Variants in GTF2E2 observed in about 807,000 individuals in gnomAD.
GTF2E2 encodes general transcription factor IIE subunit 2.
Under a neutral mutation model 40.5 loss-of-function variants are expected in GTF2E2, and 21 were observed. The ratio of observed to expected loss-of-function variants is 0.52; its 90% confidence interval spans 0.37 to 0.75. GTF2E2 has a LOEUF of 0.75. Ranked by LOEUF, GTF2E2 falls within the 30% of genes least tolerant of loss-of-function variation. The pLI is 0.00. For missense variants in GTF2E2, 298 were observed against 338.4 expected (o/e 0.88, Z 0.94); for synonymous variants, 117 against 121.6 (o/e 0.96, Z 0.25).
intron 6 of GTF2E2, among the ~76,000 whole-genome samples, chr8:30,581,378 G>A (rs930067394): frequency 2.6e-5 from 4 of 152,162 alleles, no homozygotes; most frequent in African/African-American, 4.8e-5. Context: ...GTAGGCATCT[G>A]ATACTGTGCT....
intron 2 of GTF2E2, chr8:30,644,691 G>A (rs1038240302): frequency 3.3e-5 from 5 of 151,866 alleles, no homozygotes; most frequent in African/African-American, 1.2e-4. Flanking sequence ...CTTTAATCAA[G>A]TTTTAAACCA....
intron 3 of GTF2E2, among the ~76,000 whole-genome samples, chr8:30,620,281 T>C (rs368519774): frequency 3.4e-4 from 50 of 146,634 alleles, no homozygotes; most frequent in African/African-American, 1.2e-3. Flanking sequence ...CACGTATACA[T>C]ACACACATTC....
intron 3 of GTF2E2, among the ~76,000 whole-genome samples, chr8:30,627,826 C>T (rs1452472223): frequency 1.3e-5 from 2 of 152,210 alleles, no homozygotes; most frequent in African/African-American, 2.4e-5. Flanking sequence ...TTACAAAGTA[C>T]TTTCAAGAAA....
intron 6 of GTF2E2, among the ~76,000 whole-genome samples, chr8:30,591,810 C>T (rs2151112582): frequency 6.6e-6 from 1 of 152,232 alleles, no homozygotes; most frequent in South Asian, 2.1e-4. Flanking sequence ...CATGTCCACA[C>T]AAAAACTTGT....
intron 3 of GTF2E2, among the ~76,000 whole-genome samples, chr8:30,627,051 G>C (rs1467027169): frequency 1.3e-5 from 2 of 152,164 alleles, no homozygotes; most frequent in African/African-American, 4.8e-5. Flanking sequence ...TCACACCACT[G>C]ATGGGAACCT....
chr8:30,617,751 C>CA (rs397957917), intron 3 of GTF2E2, among the ~76,000 whole-genome samples: 30,876 of 116,566 alleles, frequency 0.26, 3,369 homozygotes, highest in Middle Eastern at 0.35. Flanking sequence ...GATCTTGTCT[C>CA]AAAAAAAAAA....
chr8:30,634,303 C>T (rs931725593), intron 3 of GTF2E2, among the ~76,000 whole-genome samples: 2 of 151,982 alleles, frequency 1.3e-5, no homozygotes, highest in African/African-American at 4.8e-5. Context: ...AGAAAATTAG[C>T]CAGGCATGGT....
chr8:30,594,079 T>C (rs1000434741), intron 6 of GTF2E2, among the ~76,000 whole-genome samples: 3 of 151,676 alleles, frequency 2.0e-5, no homozygotes, highest in South Asian at 4.2e-4. Flanking sequence ...TACAGGCGCA[T>C]GCCACCACAC....
intron 3 of GTF2E2, among the ~76,000 whole-genome samples, chr8:30,623,238 C>T (rs1224709045): frequency 6.6e-6 from 1 of 152,092 alleles, no homozygotes; most frequent in East Asian, 1.9e-4. Context: ...TCCCTGACTT[C>T]CCGCAACACA....
chr8:30,600,134 A>T (rs1829134467), intron 6 of GTF2E2, among the ~76,000 whole-genome samples: 1 of 152,186 alleles, frequency 6.6e-6, no homozygotes, highest in Non-Finnish European at 1.5e-5. Flanking sequence ...AGCAATGAGG[A>T]AAAAGATTGT....
intron 2 of GTF2E2, among the ~76,000 whole-genome samples, chr8:30,635,979 G>A (rs1418221618): frequency 2.0e-5 from 3 of 152,140 alleles, no homozygotes; most frequent in Admixed American, 6.5e-5. Context: ...CACAGGCACT[G>A]CCACTGCATG....
At chr8:30,645,354 G>GT in intron 2 of GTF2E2, 1 of 1,535,694 alleles carries the variant, frequency 6.5e-7, no homozygotes. Context: ...CTGTTTATCA[G>GT]TACCTTGGTT....
At chr8:30,657,097 G>A (rs545420703) in intron 1 of GTF2E2, 9 of 152,246 alleles carry the variant, frequency 5.9e-5, no homozygotes, top group South Asian at 2.1e-4. Context: ...ACGTTCAAAG[G>A]CATCTAGAGC....
intron 4 of GTF2E2, among the ~76,000 whole-genome samples, chr8:30,613,792 GTCT>G (rs1230933224): frequency 6.6e-6 from 1 of 152,194 alleles, no homozygotes; most frequent in Non-Finnish European, 1.5e-5. Flanking sequence ...CTAGAAAGTA[GTCT>G]TCTTAGTTTT....
Position 30,635,013 on chromosome 8 carries a change from A to C in GTF2E2, c.258+19T>G, listed in dbSNP as rs1201469073. ...CAAAAAGTTAAATAGGACTTTTGCT[A>C]TCTGAGAAAAGTACTTACCTTCATG... On this transcript the variant is annotated intron_variant, in intron 3 of 7. Coordinates refer to ENST00000355904, the MANE Select transcript of GTF2E2 (RefSeq NM_002095.6). The C allele has an allele frequency of 7.3e-7, 1 of 1,369,654 alleles. No individual in the cohort carries two copies. Among genetic ancestry groups the C allele is most frequent in the Non-Finnish European group, 1.0e-6 (1 of 969,188 alleles). The allele number at this position is 1,369,654 out of a possible 1,614,324, so 84.8% of individuals were successfully genotyped here.
At chr8:30,587,821 A>G (rs1344340669) in intron 6 of GTF2E2, among the ~76,000 whole-genome samples, 2 of 151,008 alleles carry the variant, frequency 1.3e-5, no homozygotes, top group Non-Finnish European at 1.5e-5. Context: ...GCAATGAGCC[A>G]AGACCGCACC....
intron 3 of GTF2E2, among the ~76,000 whole-genome samples, 157 bp from the exon 4 acceptor site, chr8:30,614,872 T>C (rs911438972): frequency 8.5e-5 from 13 of 152,066 alleles, no homozygotes; most frequent in African/African-American, 3.1e-4. Context: ...GAAATCAGAA[T>C]GGGGTTGAAA....
chr8:30,598,259 T>G (rs1829070370), intron 6 of GTF2E2, among the ~76,000 whole-genome samples: 2 of 152,214 alleles, frequency 1.3e-5, no homozygotes, highest in African/African-American at 4.8e-5. Flanking sequence ...AACAGAAATT[T>G]CTTTGCCTTT....
chr8:30,601,036 A>G (rs1218495734), intron 6 of GTF2E2, among the ~76,000 whole-genome samples: 1 of 152,232 alleles, frequency 6.6e-6, no homozygotes, highest in Non-Finnish European at 1.5e-5. Context: ...CACATTCCTT[A>G]TATCATTAAC....
Sources: gnomAD v4.1 joint callset for allele counts (sites outside exome capture counted in the v4.1 genomes callset) on GRCh38, gnomAD v4.1.1 for gene constraint, MANE v1.5 for transcripts, NCBI Gene and HGNC (gene_info 2026-07-23, HGNC 2026-07-21) for gene names.